SHROOM3: variants seen among roughly 807,000 people sequenced by gnomAD.
SHROOM3 encodes shroom family member 3.
SHROOM3 carries 47 observed loss-of-function variants against 138.6 expected under a neutral mutation model. The ratio of observed to expected loss-of-function variants is 0.34; its 90% CI spans 0.27 to 0.43. The LOEUF (loss-of-function observed/expected upper bound fraction) is 0.43. Among genes scored for constraint, SHROOM3 ranks in the 20% least tolerant of loss-of-function variants. SHROOM3 has a pLI of 1.00. For synonymous variants in SHROOM3, 1,062 were observed against 1,063.3 expected (o/e 1.00, Z 0.02); for missense variants, 2,491 against 2,596.5 (o/e 0.96, Z 0.88).
Position 76,739,303 on chromosome 4 carries a change from C to T in SHROOM3, c.1130C>T (p.Pro377Leu), listed in dbSNP as rs1347912734. The T allele has an allele frequency of 6.2e-7, 1 of 1,614,000 alleles. No homozygotes were observed. The highest frequency in any genetic ancestry group is 1.1e-5 in the South Asian group (1 of 91,062). The change falls in exon 5 of 11, where the codon CCT (proline) becomes CTT (leucine). Residue 377 changes from proline to leucine, a missense_variant. Around this residue, in one of 4 missense-constraint regions of SHROOM3, gnomAD observed 1,733 missense variants for 1,661.6 expected, o/e 1.04. Coordinates refer to ENST00000296043, the MANE Select transcript of SHROOM3 (RefSeq NM_020859.4). The part of the protein sequence containing the change: ...SSLETATDNL[P>L]PKVGAPLPPA... The stretch of plus-strand genomic sequence containing the variant: ...TTGGAGACTGCCACGGACAACCTTC[C>T]TCCTAAGGTGGGTGCACCCCTGCCT...
intron 5 of SHROOM3, among the ~76,000 whole-genome samples, chr4:76,743,605 T>G (rs1460965149): frequency 6.6e-6 from 1 of 152,248 alleles, no homozygotes; most frequent in African/African-American, 2.4e-5. Flanking sequence ...CTTTAATTCC[T>G]CTTCATTGCA....
At chr4:76,629,944 T>G (rs1434662219) in intron 2 of SHROOM3, among the ~76,000 whole-genome samples, 1 of 152,210 alleles carries the variant, frequency 6.6e-6, no homozygotes, top group Non-Finnish European at 1.5e-5. Flanking sequence ...AGCCTATATA[T>G]GAACCATGAA....
chr4:76,699,704 T>C (rs1237538960), intron 2 of SHROOM3, among the ~76,000 whole-genome samples: 1 of 152,206 alleles, frequency 6.6e-6, no homozygotes, highest in East Asian at 1.9e-4. Flanking sequence ...TTCTCTTTCT[T>C]GCTCCTTTCC....
chr4:76,744,712 C>T lies in SHROOM3; in HGVS notation c.3753+2786C>T, dbSNP rs113504751. Among the ~76,000 whole-genome samples, 13 of 152,314 alleles carry T rather than the reference C, an allele frequency of 8.5e-5. 1 individual carries two copies. The highest frequency in any genetic ancestry group is 2.4e-4 in the African/African-American group (10 of 41,564). On this transcript the variant is annotated intron_variant, in intron 5 of 10. Coordinates refer to ENST00000296043, the MANE Select transcript of SHROOM3 (RefSeq NM_020859.4). ...GACAAGTTAAGTGAACTTGTAGAGA[C>T]TGTCTGCCTGAGTTAAAACCACAAT...
At chr4:76,479,661 C>A (rs1422713979) in intron 1 of SHROOM3, among the ~76,000 whole-genome samples, 2 of 152,050 alleles carry the variant, frequency 1.3e-5, no homozygotes, top group Non-Finnish European at 2.9e-5. Context: ...AGAAGAACAA[C>A]CCCAAGACAC....
chr4:76,738,610 G>A, intron 4 of SHROOM3, 151 bp from the exon 5 acceptor site: 3 of 799,652 alleles, frequency 3.8e-6, no homozygotes, highest in Admixed American at 2.2e-5. Context: ...ACAGAAGGAG[G>A]CTGAGCAAGG....
In SHROOM3 at chr4:76,740,579, C is replaced by T. The variant is rs1265520592; in HGVS notation, c.2406C>T (p.Gly802=). 2 of 1,614,146 alleles carry T rather than the reference C, an allele frequency of 1.2e-6. No individual in the cohort carries two copies. The highest frequency in any genetic ancestry group is 2.2e-5 in the East Asian group (1 of 44,866). ...EQGSQRPSVG[G]SGFGHNYRPH... ...GGAGCCAGAGACCGAGTGTGGGCGG[C>T]TCTGGTTTTGGCCATAACTATAGGC... Residue 802 remains glycine, a synonymous_variant, in exon 5 of 11, where the codon GGC becomes GGT. Transcript: ENST00000296043. The surrounding 1 kb of genome is among the most constrained non-coding windows in gnomAD (Gnocchi z 4.0).
At chr4:76,699,314 G>T (rs942471212) in intron 2 of SHROOM3, among the ~76,000 whole-genome samples, 23 of 152,328 alleles carry the variant, frequency 1.5e-4, no homozygotes, top group African/African-American at 4.8e-4. Flanking sequence ...ATCCCTTGTT[G>T]ATGTAGGTAC....
chr4:76,703,450 G>GTCA lies in SHROOM3; in HGVS notation c.324-6706_324-6705insTCA, dbSNP rs1470285519. Among the ~76,000 whole-genome samples the GTCA allele has an allele frequency of 7.2e-5, 11 of 152,172 alleles. 1 individual carries two copies. Among genetic ancestry groups the GTCA allele is most frequent in the Admixed American group, 7.2e-4 (11 of 15,290 alleles). The stretch of plus-strand genomic sequence containing the variant: ...AATTCATTGAGATGTCTGTGAAACG[G>GTCA]CTGATCAATGGTCAGTTATCAGAAA... On this transcript the variant is annotated intron_variant, in intron 2 of 10. Transcript: ENST00000296043.
intron 2 of SHROOM3, among the ~76,000 whole-genome samples, chr4:76,693,819 C>A (rs866714406): frequency 4.3e-5 from 4 of 92,836 alleles, no homozygotes; most frequent in Admixed American, 1.1e-4. Flanking sequence ...TAGGCAAACT[C>A]CTTTTTTTTT....
intron 2 of SHROOM3, among the ~76,000 whole-genome samples, chr4:76,609,791 T>A (rs1394401701): frequency 6.6e-6 from 1 of 152,206 alleles, no homozygotes; most frequent in Admixed American, 6.5e-5. Context: ...TAGAATATCA[T>A]GTTTACACCA....
intron 5 of SHROOM3, among the ~76,000 whole-genome samples, chr4:76,746,793 T>TATC (rs1721449503): frequency 1.3e-5 from 1 of 74,936 alleles, no homozygotes; most frequent in Non-Finnish European, 2.7e-5. Flanking sequence ...TTATTATTAT[T>TATC]ATTATTATTA....
intron 1 of SHROOM3, among the ~76,000 whole-genome samples, chr4:76,456,767 T>C (rs1415597337): frequency 6.6e-6 from 1 of 152,214 alleles, no homozygotes. Flanking sequence ...CAATAAAGCT[T>C]TTAATCACCT....
At chr4:76,443,645 C>T (rs189150463) in intron 1 of SHROOM3, among the ~76,000 whole-genome samples, 5 of 152,250 alleles carry the variant, frequency 3.3e-5, no homozygotes, top group Admixed American at 2.0e-4. Flanking sequence ...CAAAATGAGG[C>T]AAAGATTCTC....
chr4:76,535,721 A>G (rs4859689), intron 1 of SHROOM3, among the ~76,000 whole-genome samples: 103,000 of 152,130 alleles, frequency 0.68, 35,245 homozygotes, highest in East Asian at 0.94. Flanking sequence ...ATGGCCCATC[A>G]TCATAAAATA....
At chr4:76,773,378 A>G (rs2109794972) in intron 10 of SHROOM3, among the ~76,000 whole-genome samples, 1 of 151,920 alleles carries the variant, frequency 6.6e-6, no homozygotes, top group Non-Finnish European at 1.5e-5. Context: ...TCTCAGAAAA[A>G]AAAAAAAAAA....
At chr4:76,520,035 G>C (rs1221366261) in intron 1 of SHROOM3, among the ~76,000 whole-genome samples, 3 of 152,096 alleles carry the variant, frequency 2.0e-5, no homozygotes, top group Non-Finnish European at 2.9e-5. Flanking sequence ...CCATTGTCCA[G>C]CTAATCCTTA....
chr4:76,704,789 G>A (rs1254478289), intron 2 of SHROOM3, among the ~76,000 whole-genome samples: 3 of 151,958 alleles, frequency 2.0e-5, no homozygotes, highest in African/African-American at 7.3e-5. Context: ...GGATTGGAGG[G>A]GACAGAAGTG....
In SHROOM3 at chr4:76,738,870, C is replaced by A. The variant is rs377199268; in HGVS notation, c.697C>A (p.Pro233Thr). The A allele has an allele frequency of 5.4e-5, 87 of 1,614,094 alleles. 1 individual carries two copies. The East Asian group carries it at 9.4e-4, about 17-fold the overall frequency. The change falls in exon 5 of 11, where the codon CCA becomes ACA. Residue 233 changes from proline to threonine, a missense_variant. Physicochemically the swap from Pro to Thr is conservative, Grantham distance 38. Around this residue, in one of 4 missense-constraint regions of SHROOM3, gnomAD observed 284 missense variants for 322.8 expected, o/e 0.88. Transcript: ENST00000296043. ...GAGCCTGGAGCCCAGTGGGGCATACCCACCCTGTCATCTTTCCCCTGCCAA... is the reference window on the plus strand; with the variant it reads ...GAGCCTGGAGCCCAGTGGGGCATACACACCCTGTCATCTTTCCCCTGCCAA... ...MESLEPSGAY[P>T]PCHLSPAKST...
Sources: allele counts gnomAD v4.1 joint callset (sites outside exome capture counted in the v4.1 genomes callset), GRCh38; gene constraint gnomAD v4.1.1; regional missense constraint gnomAD v4.1.1; non-coding constraint Gnocchi (gnomAD v3.1); transcripts MANE v1.5; gene names NCBI Gene and HGNC (gene_info 2026-07-23, HGNC 2026-07-21).